The following PDZRN4 variants were observed in gnomAD, a reference collection of about 807,000 sequenced individuals.
PDZRN4 encodes the protein PDZ domain containing ring finger 4.
Under a neutral mutation model 99.0 loss-of-function variants are expected in PDZRN4, and 70 were observed. The observed-to-expected ratio is 0.71, with a 90% confidence interval of 0.58 to 0.86. The LOEUF (loss-of-function observed/expected upper bound fraction) is 0.86. PDZRN4 is among the 40% of genes least tolerant of loss of function. The probability of loss-of-function intolerance (pLI) is 0.00; values close to 1 mark genes in which losing one functional copy is unlikely to be tolerated. For missense variants in PDZRN4, 1,474 were observed against 1,331.2 expected (o/e 1.11, Z -1.67); for synonymous variants, 551 against 501.6 (o/e 1.10, Z -1.32).
intron 3 of PDZRN4, among the ~76,000 whole-genome samples, chr12:41,357,678 T>C (rs1199503353): frequency 3.9e-5 from 6 of 152,008 alleles, no homozygotes; most frequent in African/African-American, 1.4e-4. Context: ...TGCTGAGGCC[T>C]GCAATAATGC....
At chr12:41,422,465 T>G (rs886342649) in intron 3 of PDZRN4, among the ~76,000 whole-genome samples, 2 of 152,182 alleles carry the variant, frequency 1.3e-5, no homozygotes, top group Non-Finnish European at 2.9e-5. Flanking sequence ...TCCCTGAGAC[T>G]GGGTAATTTA....
chr12:41,227,902 CACACACACACACACACA>C (rs1951005044), intron 3 of PDZRN4, among the ~76,000 whole-genome samples: 13 of 151,614 alleles, frequency 8.6e-5, no homozygotes, highest in Non-Finnish European at 1.3e-4. Flanking sequence ...CACACACACA[CACACACACACACACACA>C]CCAGAAGGGT....
intron 3 of PDZRN4, among the ~76,000 whole-genome samples, chr12:41,487,264 T>A (rs1937795611): frequency 6.9e-6 from 1 of 145,932 alleles, no homozygotes; most frequent in Admixed American, 6.8e-5. Flanking sequence ...TTTTTTTTTT[T>A]AATTCATGAT....
intron 5 of PDZRN4, among the ~76,000 whole-genome samples, chr12:41,539,937 G>A (rs925352621): frequency 2.6e-5 from 4 of 152,020 alleles, no homozygotes; most frequent in African/African-American, 9.7e-5. Context: ...TTTAATGCAT[G>A]TTACTAGAAT....
intron 3 of PDZRN4, among the ~76,000 whole-genome samples, chr12:41,284,109 C>G (rs774024701): frequency 6.6e-6 from 1 of 152,082 alleles, no homozygotes; most frequent in African/African-American, 2.4e-5. Context: ...TTTAGGAAAC[C>G]CCATTGTCTC....
intron 3 of PDZRN4, among the ~76,000 whole-genome samples, chr12:41,210,803 G>A (rs1350412314): frequency 6.6e-6 from 1 of 151,896 alleles, no homozygotes; most frequent in Non-Finnish European, 1.5e-5. Flanking sequence ...TAAGGCTTTT[G>A]CTAGAGGTTT....
intron 3 of PDZRN4, among the ~76,000 whole-genome samples, chr12:41,320,617 T>C (rs1410703359): frequency 6.6e-6 from 1 of 152,188 alleles, no homozygotes; most frequent in Non-Finnish European, 1.5e-5. Context: ...TATTTCCAGT[T>C]GACCTCAGGC....
intron 3 of PDZRN4, among the ~76,000 whole-genome samples, chr12:41,497,017 T>C (rs1052052474): frequency 1.3e-5 from 2 of 152,176 alleles, no homozygotes; most frequent in Non-Finnish European, 2.9e-5. Flanking sequence ...TGTAATTCAC[T>C]GTCTCCTATT....
At chr12:41,495,493 A>G (rs1443026097) in intron 3 of PDZRN4, among the ~76,000 whole-genome samples, 8 of 151,974 alleles carry the variant, frequency 5.3e-5, no homozygotes, top group Non-Finnish European at 5.9e-5. Flanking sequence ...TCAGGATACC[A>G]TTTTACAGCT....
chr12:41,292,565 G>A (rs1289343339), intron 3 of PDZRN4, among the ~76,000 whole-genome samples: 1 of 152,084 alleles, frequency 6.6e-6, no homozygotes, highest in Non-Finnish European at 1.5e-5. Context: ...TTTGCCACTC[G>A]TTTGGGTAGA....
intron 3 of PDZRN4, among the ~76,000 whole-genome samples, chr12:41,473,767 G>A (rs1446769074): frequency 6.6e-6 from 1 of 152,078 alleles, no homozygotes; most frequent in East Asian, 1.9e-4. Context: ...ATATCCAGTG[G>A]AGCTGTCCCC....
At chr12:41,448,835 G>C (rs1311302972) in intron 3 of PDZRN4, among the ~76,000 whole-genome samples, 2 of 152,100 alleles carry the variant, frequency 1.3e-5, no homozygotes, top group Non-Finnish European at 1.5e-5. Context: ...CATATTGACT[G>C]CAAGCTATAT....
chr12:41,399,008 C>T (rs1316363345), intron 3 of PDZRN4, among the ~76,000 whole-genome samples: 1 of 152,118 alleles, frequency 6.6e-6, no homozygotes, highest in Admixed American at 6.6e-5. Flanking sequence ...GCAAAAGTAT[C>T]TTTCAATCCT....
intron 3 of PDZRN4, among the ~76,000 whole-genome samples, chr12:41,274,139 T>C (rs937331813): frequency 6.6e-6 from 1 of 152,090 alleles, no homozygotes; most frequent in Admixed American, 6.6e-5. Flanking sequence ...GTAGAATAAA[T>C]TGTAGCCACA....
intron 3 of PDZRN4, among the ~76,000 whole-genome samples, chr12:41,296,913 A>G (rs1951498801): frequency 2.0e-5 from 3 of 152,268 alleles, no homozygotes; most frequent in Admixed American, 2.0e-4. Context: ...AGCCATGATC[A>G]TGCCACTGCA....
intron 9 of PDZRN4, among the ~76,000 whole-genome samples, chr12:41,570,386 T>G (rs1939451811): frequency 6.6e-6 from 1 of 152,184 alleles, no homozygotes; most frequent in Non-Finnish European, 1.5e-5. Flanking sequence ...AGAAAACTAT[T>G]TTATTTTCAC....
intron 3 of PDZRN4, among the ~76,000 whole-genome samples, chr12:41,290,257 C>A (rs771004654): frequency 2.2e-4 from 33 of 152,092 alleles, no homozygotes; most frequent in Non-Finnish European, 3.8e-4. Context: ...ACTTTCAAAG[C>A]AAAATATCAA....
Position 41,188,870 on chromosome 12 carries a change from GC to G in PDZRN4, c.416del (p.Ala139ValfsTer89), listed in dbSNP as rs1950713623. ...GGGGGGCTGCGGTCCGACACCCAGG[GC>G]TGGCCGGGGCGGGGGCGCGCGCGGG... is the stretch of plus-strand genomic sequence containing the variant. ...ARGGCGPTPR[A>X]GRGGGARGGP... is the part of the protein sequence containing the mutation. On this transcript the variant is annotated frameshift_variant, in exon 1 of 10. Coordinates refer to ENST00000402685, the MANE Select transcript of PDZRN4 (RefSeq NM_001164595.2). LOFTEE classifies it high-confidence loss of function. 1 of 1,162,686 alleles carries G rather than the reference GC, an allele frequency of 8.6e-7. No individual in the cohort carries two copies. Among genetic ancestry groups the G allele is most frequent in the African/African-American group, 1.6e-5 (1 of 61,370 alleles). 72.0% of individuals were successfully genotyped at this position (1,162,686 alleles called of 1,614,324 possible).
At chr12:41,561,950 G>A (rs1386729524) in intron 7 of PDZRN4, among the ~76,000 whole-genome samples, 1 of 152,014 alleles carries the variant, frequency 6.6e-6, no homozygotes, top group Non-Finnish European at 1.5e-5. Flanking sequence ...ATCTTTATTT[G>A]AGAAAAAAGG....
Sources: allele counts gnomAD v4.1 joint callset (sites outside exome capture counted in the v4.1 genomes callset), GRCh38; gene constraint gnomAD v4.1.1; transcripts MANE v1.5; gene names NCBI Gene and HGNC (gene_info 2026-07-23, HGNC 2026-07-21).